FXR1: variants seen among roughly 807,000 people sequenced by gnomAD.
FXR1 encodes the protein RNA-binding protein FXR1.
Under a neutral mutation model 84.0 loss-of-function variants are expected in FXR1, and 15 were observed. The observed-to-expected ratio is 0.18, with a 90% CI of 0.12 to 0.27. The LOEUF is 0.27. FXR1 is among the 10% of genes least tolerant of loss of function. FXR1 has a pLI of 1.00. For missense variants in FXR1, 480 were observed against 774.4 expected (o/e 0.62, Z 4.51); for synonymous variants, 245 against 250.7 (o/e 0.98, Z 0.21).
At chr3:180,952,810 T>TA (rs1338733023) in intron 8 of FXR1, among the ~76,000 whole-genome samples, 1 of 149,840 alleles carries the variant, frequency 6.7e-6, no homozygotes, top group Admixed American at 6.7e-5. Flanking sequence ...TTTTAAAATT[T>TA]AAAAAAAATT....
intron 3 of FXR1, among the ~76,000 whole-genome samples, chr3:180,935,762 A>C (rs1720451452): frequency 6.6e-6 from 1 of 152,200 alleles, no homozygotes; most frequent in South Asian, 2.1e-4. Context: ...GGGAAAGAAA[A>C]ATCACAGCTC....
At chr3:180,925,888 G>C (rs1719120728) in intron 1 of FXR1, among the ~76,000 whole-genome samples, 1 of 152,174 alleles carries the variant, frequency 6.6e-6, no homozygotes. Context: ...TATATATTTT[G>C]TAATCAAATT....
chr3:180,953,906 T>G, intron 9 of FXR1, 66 bp downstream of exon 9: 1 of 797,316 alleles, frequency 1.3e-6, no homozygotes, highest in Non-Finnish European at 2.2e-6. Flanking sequence ...AGCGACTTAA[T>G]TGAAAACTAG....
intron 15 of FXR1, among the ~76,000 whole-genome samples, chr3:180,973,647 A>AT (rs1713862290): frequency 6.6e-6 from 1 of 152,358 alleles, no homozygotes; most frequent in African/African-American, 2.4e-5. Flanking sequence ...ATGAATTTAA[A>AT]TAATTTAAAA....
chr3:180,943,439 G>C (rs111926650), intron 3 of FXR1, among the ~76,000 whole-genome samples: 10,385 of 151,340 alleles, frequency 0.069, 1,027 homozygotes, highest in African/African-American at 0.22. Context: ...GCTAATTTTT[G>C]TACTTTTAGT....
At chr3:180,928,377 C>T (rs1344966634) in intron 1 of FXR1, among the ~76,000 whole-genome samples, 1 of 137,138 alleles carries the variant, frequency 7.3e-6, no homozygotes, top group Non-Finnish European at 1.5e-5. Context: ...GCCCCCCCAC[C>T]CCATTTTAGA....
rs540601751 is a variant in FXR1, at chr3:180,969,277, C to G, written c.1403-881C>G. Among the ~76,000 whole-genome samples, 3 of 152,250 alleles carry G rather than the reference C, an allele frequency of 2.0e-5. No individual in the cohort carries two copies. In the East Asian group the frequency reaches 5.8e-4, roughly 29 times the overall value. On this transcript the variant is annotated intron_variant, in intron 14 of 16. Transcript: ENST00000357559. ...TTTAAAATTACAGTATACTGAATTG[C>G]AAAATAAATGTACTTGACCTAGTGT...
At chr3:180,935,880 C>CATTTTATTTT (rs1430765583) in intron 3 of FXR1, among the ~76,000 whole-genome samples, 1 of 150,764 alleles carries the variant, frequency 6.6e-6, no homozygotes, top group Non-Finnish European at 1.5e-5. Flanking sequence ...GCCCTACAAA[C>CATTTTATTTT]ATTTTATTTT....
At position 180,968,025 on chromosome 3, in the gene FXR1, T is replaced by C. The variant is rs375767759; in HGVS notation, c.1199-26T>C. The C allele has an allele frequency of 2.8e-6, 4 of 1,409,742 alleles. No homozygotes were observed. The African/African-American group carries it at 5.6e-5, about 20-fold the overall frequency. 87.3% of individuals were successfully genotyped at this position (1,409,742 alleles called of 1,614,324 possible). A position where few individuals can be genotyped will look rare whatever the true frequency, so the allele number is the denominator to read the frequency against. ...AAAAGGCTTTTTATAGAAATCTAAG[T>C]GGTTTATGTTCTTTTCTTTTCCAAG... On this transcript the variant is annotated intron_variant, in intron 13 of 16. Coordinates refer to ENST00000357559, the MANE Select transcript of FXR1 (RefSeq NM_005087.4).
chr3:180,929,475 T>C (rs1805572), intron 1 of FXR1, among the ~76,000 whole-genome samples: 36,344 of 152,178 alleles, frequency 0.24, 4,529 homozygotes, highest in African/African-American at 0.31. Flanking sequence ...TCTTCTGTGT[T>C]TGCATATGTA....
intron 13 of FXR1, among the ~76,000 whole-genome samples, chr3:180,965,261 C>G (rs758456037): frequency 2.0e-4 from 30 of 152,070 alleles, no homozygotes; most frequent in South Asian, 4.1e-4. Flanking sequence ...GGTGATCTGT[C>G]TACCTCGCCT....
intron 1 of FXR1, chr3:180,933,079 G>A: frequency 2.3e-6 from 1 of 427,438 alleles, no homozygotes; most frequent in Non-Finnish European, 4.1e-6. Context: ...TACCTGAGGT[G>A]TTCCAGGGAT....
Position 180,977,520 on chromosome 3 carries a change from C to G in FXR1, c.*1228C>G, listed in dbSNP as rs1216779724. 6.6e-6 allele frequency: 1 copy of G among 152,090 alleles called. No individual in the cohort carries two copies. The highest frequency in any genetic ancestry group is 1.5e-5 in the Non-Finnish European group (1 of 67,960). The allele number at this position is 152,090 out of a possible 1,614,324, so 9.4% of individuals were successfully genotyped here. ...ATTCTCAACTTATTTTGAAGGCTCT[C>G]ATATCAGTGACCAAAAATCAGTTAT... On this transcript the variant is annotated 3_prime_UTR_variant, in exon 17 of 17. Coordinates refer to ENST00000357559, the MANE Select transcript of FXR1 (RefSeq NM_005087.4).
chr3:180,967,439 A>G (rs1712973645), intron 13 of FXR1, among the ~76,000 whole-genome samples: 1 of 152,154 alleles, frequency 6.6e-6, no homozygotes, highest in African/African-American at 2.4e-5. Flanking sequence ...TCTAAATATG[A>G]TTAATTTACT....
intron 9 of FXR1, chr3:180,954,148 T>G: frequency 4.3e-6 from 1 of 234,756 alleles, no homozygotes; most frequent in South Asian, 8.8e-5. Context: ...CCTATTATTC[T>G]CACTCCTTTA....
chr3:180,963,292 A>G (rs1210273416), intron 13 of FXR1, among the ~76,000 whole-genome samples: 1 of 152,040 alleles, frequency 6.6e-6, no homozygotes, highest in Non-Finnish European at 1.5e-5. Context: ...AAAATTTCCA[A>G]GCAGTTATGT....
At chr3:180,919,407 C>T (rs929351845) in intron 1 of FXR1, among the ~76,000 whole-genome samples, 1 of 150,442 alleles carries the variant, frequency 6.6e-6, no homozygotes, top group South Asian at 2.1e-4. Flanking sequence ...GCCTGAGCCA[C>T]CCGAGTAGCT....
chr3:180,961,435 A>G (rs920984632), intron 10 of FXR1, 33 bp from the exon 11 acceptor site: 6 of 1,116,858 alleles, frequency 5.4e-6, no homozygotes, highest in African/African-American at 4.7e-5. Flanking sequence ...TTAAAATATT[A>G]AACACTGAAT....
intron 3 of FXR1, among the ~76,000 whole-genome samples, chr3:180,947,245 C>A (rs767351527): frequency 1.1e-4 from 17 of 152,112 alleles, no homozygotes; most frequent in Non-Finnish European, 1.9e-4. Flanking sequence ...ACAGGGTTTA[C>A]CGTGTTGGTC....
Sources: allele counts gnomAD v4.1 joint callset (sites outside exome capture counted in the v4.1 genomes callset), GRCh38; gene constraint gnomAD v4.1.1; transcripts MANE v1.5; gene names NCBI Gene and HGNC (gene_info 2026-07-23, HGNC 2026-07-21).